Variants in RBMS1 observed in about 807,000 individuals in gnomAD.
The protein encoded by RBMS1 is RNA-binding motif, single-stranded-interacting protein 1.
Under a neutral mutation model 62.3 loss-of-function variants are expected in RBMS1, and 17 were observed. The ratio of observed to expected loss-of-function variants is 0.27; its 90% CI spans 0.19 to 0.41. The LOEUF is 0.41. RBMS1 is among the 10% of genes least tolerant of loss of function. The probability of loss-of-function intolerance (pLI) is 1.00; values close to 1 mark genes in which losing one functional copy is unlikely to be tolerated. For missense variants in RBMS1, 334 were observed against 504.5 expected, an observed-to-expected ratio of 0.66 and a Z score of 3.24; for synonymous variants, 172 against 170.0, an observed-to-expected ratio of 1.01 and a Z score of -0.09.
chr2:160,370,987 T>C (rs892649586), intron 1 of RBMS1, among the ~76,000 whole-genome samples: 3 of 152,214 alleles, frequency 2.0e-5, no homozygotes, highest in Non-Finnish European at 2.9e-5. Flanking sequence ...ATAAAAATCT[T>C]TTCATTAAAG....
intron 1 of RBMS1, among the ~76,000 whole-genome samples, chr2:160,392,822 G>C (rs969415133): frequency 1.3e-5 from 2 of 151,922 alleles, no homozygotes; most frequent in Non-Finnish European, 2.9e-5. Flanking sequence ...AGCTTGGGAG[G>C]TTGAGGCTGC....
intron 1 of RBMS1, among the ~76,000 whole-genome samples, chr2:160,390,102 A>G (rs1412978926): frequency 6.6e-6 from 1 of 152,236 alleles, no homozygotes. Flanking sequence ...CTTAATGGGT[A>G]GTGGTGCAAC....
intron 2 of RBMS1, among the ~76,000 whole-genome samples, chr2:160,324,302 G>A (rs774467509): frequency 1.3e-5 from 2 of 152,188 alleles, no homozygotes; most frequent in African/African-American, 4.8e-5. Context: ...GCTAGGGAAC[G>A]TGCAGCTTTT....
chr2:160,484,280 G>C (rs1437275970), intron 1 of RBMS1, among the ~76,000 whole-genome samples: 1 of 151,862 alleles, frequency 6.6e-6, no homozygotes, highest in African/African-American at 2.4e-5. Flanking sequence ...CAGATTACGA[G>C]GTCAGCAGAT....
At chr2:160,417,812 A>G (rs1446207273) in intron 1 of RBMS1, among the ~76,000 whole-genome samples, 1 of 152,168 alleles carries the variant, frequency 6.6e-6, no homozygotes, top group Admixed American at 6.5e-5. Flanking sequence ...TTTGTCAAAC[A>G]CTCATTTTTA....
intron 2 of RBMS1, among the ~76,000 whole-genome samples, chr2:160,352,189 C>T (rs1456233258): frequency 6.6e-6 from 1 of 152,100 alleles, no homozygotes; most frequent in Non-Finnish European, 1.5e-5. Flanking sequence ...TTTTTCCCAG[C>T]TCTAATGCCG....
chr2:160,465,007 T>A (rs1684626892), intron 1 of RBMS1, among the ~76,000 whole-genome samples: 1 of 152,214 alleles, frequency 6.6e-6, no homozygotes. Context: ...TTTATCTTTA[T>A]CTTCTTGTCA....
chr2:160,449,976 C>T (rs1683894757), intron 1 of RBMS1, among the ~76,000 whole-genome samples: 1 of 152,054 alleles, frequency 6.6e-6, no homozygotes, highest in Admixed American at 6.5e-5. Context: ...TCCCTGCTGC[C>T]CTCAGTATGA....
intron 2 of RBMS1, among the ~76,000 whole-genome samples, chr2:160,354,829 C>A (rs1692706423): frequency 6.6e-6 from 1 of 152,144 alleles, no homozygotes; most frequent in Non-Finnish European, 1.5e-5. Context: ...TTAAGTCTGG[C>A]ATGGCCAAGT....
intron 1 of RBMS1, among the ~76,000 whole-genome samples, chr2:160,431,247 G>C (rs1031905833): frequency 1.3e-5 from 2 of 150,762 alleles, no homozygotes; most frequent in African/African-American, 4.9e-5. Flanking sequence ...AATAAACTAA[G>C]TGGTCCACAT....
chr2:160,311,220 C>CATATA (rs1689846208), intron 4 of RBMS1, among the ~76,000 whole-genome samples: 2 of 84,984 alleles, frequency 2.4e-5, no homozygotes, highest in Admixed American at 1.5e-4. Context: ...ATCTATCTAT[C>CATATA]TATCTATCTA....
chr2:160,407,871 G>C, intron 1 of RBMS1: 1 of 981,218 alleles, frequency 1.0e-6, no homozygotes, highest in Non-Finnish European at 1.2e-6. Context: ...GCGCCGCCGC[G>C]TCCCCACCTA....
At chr2:160,473,553 C>T (rs1165792914) in intron 1 of RBMS1, among the ~76,000 whole-genome samples, 1 of 152,122 alleles carries the variant, frequency 6.6e-6, no homozygotes, top group Non-Finnish European at 1.5e-5. Context: ...CATTCCTACC[C>T]TTGAGTTTTA....
intron 2 of RBMS1, among the ~76,000 whole-genome samples, chr2:160,331,707 G>A (rs1691283643): frequency 6.6e-6 from 1 of 152,158 alleles, no homozygotes; most frequent in African/African-American, 2.4e-5. Context: ...AAGAGAGTAA[G>A]CACCATAAAC....
chr2:160,454,219 C>T (rs568168361), intron 1 of RBMS1, among the ~76,000 whole-genome samples: 1 of 152,308 alleles, frequency 6.6e-6, no homozygotes, highest in South Asian at 2.1e-4. Flanking sequence ...ACTGTTTAAA[C>T]TAGACATAGA....
intron 3 of RBMS1, among the ~76,000 whole-genome samples, chr2:160,317,295 G>A (rs1247330184): frequency 3.3e-5 from 5 of 152,120 alleles, no homozygotes; most frequent in African/African-American, 9.7e-5. Flanking sequence ...CCACTGCCCC[G>A]TCACCACTAC....
At chr2:160,289,344 T>C (rs1688563405) in intron 6 of RBMS1, among the ~76,000 whole-genome samples, 1 of 152,248 alleles carries the variant, frequency 6.6e-6, no homozygotes, top group Non-Finnish European at 1.5e-5. Context: ...ACAGTTTGTA[T>C]ACTGGCAGGC....
At chr2:160,484,667 C>G (rs539774779) in intron 1 of RBMS1, among the ~76,000 whole-genome samples, 1 of 151,396 alleles carries the variant, frequency 6.6e-6, no homozygotes, top group Non-Finnish European at 1.5e-5. Context: ...GTCAGGAGAT[C>G]GAGACCATCC....
intron 2 of RBMS1, among the ~76,000 whole-genome samples, chr2:160,353,687 T>C (rs987436265): frequency 6.6e-6 from 1 of 152,088 alleles, no homozygotes; most frequent in Non-Finnish European, 1.5e-5. Context: ...TCAGGAGATA[T>C]GGACTCTTTT....
Sources: allele counts gnomAD v4.1 joint callset (sites outside exome capture counted in the v4.1 genomes callset), GRCh38; gene constraint gnomAD v4.1.1; transcripts MANE v1.5; gene names NCBI Gene and HGNC (gene_info 2026-07-23, HGNC 2026-07-21).